The following UTRN variants were observed in gnomAD, a reference collection of about 807,000 sequenced individuals.
UTRN encodes utrophin.
UTRN carries 283 observed loss-of-function variants against 463.9 expected under a neutral mutation model. The observed-to-expected ratio is 0.61, with a 90% CI of 0.55 to 0.67. The LOEUF is 0.67. Among genes scored for constraint, UTRN ranks in the 30% least tolerant of loss-of-function variants. UTRN has a pLI of 0.00. For missense variants in UTRN, 3,922 were observed against 4,084.3 expected (o/e 0.96, Z 1.08); for synonymous variants, 1,442 against 1,431.5 (o/e 1.01, Z -0.17).
Position 144,337,251 on chromosome 6 carries a change from C to A in UTRN, c.79+45344C>A, listed in dbSNP as rs564695523. Reference sequence around the variant, plus strand: ...GAGGAGGGCCACCCTGGGAGGAAACCCTGAATTCTCCCCTCTTAGCACACT... The same window carrying A: ...GAGGAGGGCCACCCTGGGAGGAAACACTGAATTCTCCCCTCTTAGCACACT... On this transcript the variant is annotated intron_variant, in intron 2 of 74. Coordinates refer to ENST00000367545, the MANE Select transcript of UTRN (RefSeq NM_007124.3). 7.9e-5 allele frequency among the ~76,000 whole-genome samples: 12 copies of A among 151,816 alleles called. No homozygotes were observed. The East Asian group carries it at 2.1e-3, about 27-fold the overall frequency.
At chr6:144,424,612 T>C (rs1785134022) in intron 6 of UTRN, among the ~76,000 whole-genome samples, 2 of 152,192 alleles carry the variant, frequency 1.3e-5, no homozygotes, top group East Asian at 3.8e-4. Context: ...CAAAATGCCC[T>C]ATTTTCCTGG....
At chr6:144,353,270 A>G (rs1228285548) in intron 2 of UTRN, among the ~76,000 whole-genome samples, 1 of 152,034 alleles carries the variant, frequency 6.6e-6, no homozygotes, top group African/African-American at 2.4e-5. Flanking sequence ...GCATGCTACC[A>G]TGCCTGGCTA....
intron 27 of UTRN, among the ~76,000 whole-genome samples, chr6:144,483,788 A>G (rs1792135653): frequency 6.6e-6 from 1 of 152,178 alleles, no homozygotes; most frequent in South Asian, 2.1e-4. Flanking sequence ...TTGGTTTTGG[A>G]TACCTGGTTA....
chr6:144,826,668 T>A (rs1780214615), intron 66 of UTRN, among the ~76,000 whole-genome samples: 1 of 152,144 alleles, frequency 6.6e-6, no homozygotes, highest in Non-Finnish European at 1.5e-5. Flanking sequence ...TTTTTTTGCA[T>A]CGATTCATAG....
At chr6:144,576,839 A>G (rs1429278728) in intron 50 of UTRN, among the ~76,000 whole-genome samples, 2 of 152,176 alleles carry the variant, frequency 1.3e-5, no homozygotes, top group Admixed American at 1.3e-4. Context: ...TGTAAAATGT[A>G]GTTATAATTA....
At chr6:144,670,047 G>T (rs530403333) in intron 51 of UTRN, among the ~76,000 whole-genome samples, 4 of 151,546 alleles carry the variant, frequency 2.6e-5, no homozygotes, top group African/African-American at 9.7e-5. Context: ...TATTTGTACT[G>T]GTTCCATATT....
At chr6:144,696,434 T>C (rs58413349) in intron 52 of UTRN, among the ~76,000 whole-genome samples, 1 of 152,140 alleles carries the variant, frequency 6.6e-6, no homozygotes, top group Admixed American at 6.5e-5. Context: ...AAATTAAAAT[T>C]TAAATAGCCA....
chr6:144,412,720 T>TTGTG (rs201336159), intron 3 of UTRN, among the ~76,000 whole-genome samples: 1 of 132,872 alleles, frequency 7.5e-6, no homozygotes, highest in Non-Finnish European at 1.5e-5. Context: ...CTATATATGT[T>TTGTG]TGTGTGTGTG....
intron 50 of UTRN, among the ~76,000 whole-genome samples, chr6:144,570,928 T>C (rs912388317): frequency 2.0e-5 from 3 of 152,234 alleles, no homozygotes; most frequent in East Asian, 1.9e-4. Flanking sequence ...TTCCCTAGTT[T>C]GGACATTCTC....
At chr6:144,453,697 G>A (rs1788549567) in intron 18 of UTRN, 85 bp from the exon 19 acceptor site, 1 of 1,044,188 alleles carries the variant, frequency 9.6e-7, no homozygotes, top group East Asian at 2.4e-5. Context: ...AATGTAGGAG[G>A]GCCATTCAAC....
chr6:144,493,199 G>C, intron 32 of UTRN, 102 bp from the exon 33 acceptor site: 1 of 1,128,376 alleles, frequency 8.9e-7, no homozygotes, highest in African/African-American at 1.5e-5. Flanking sequence ...ACCATAGTTA[G>C]GTCTTGGCTG....
chr6:144,585,971 G>T (rs984071992), intron 51 of UTRN, among the ~76,000 whole-genome samples: 3 of 151,996 alleles, frequency 2.0e-5, no homozygotes, highest in African/African-American at 7.2e-5. Flanking sequence ...ATTCATATTG[G>T]CATTTTGAAA....
intron 60 of UTRN, among the ~76,000 whole-genome samples, chr6:144,779,698 G>A (rs760561349): frequency 1.1e-4 from 17 of 152,132 alleles, no homozygotes; most frequent in Admixed American, 8.5e-4. Flanking sequence ...AAAACTCCAC[G>A]TGTAGGTGGA....
intron 62 of UTRN, among the ~76,000 whole-genome samples, chr6:144,792,622 C>A (rs1363007623): frequency 6.6e-6 from 1 of 151,892 alleles, no homozygotes; most frequent in South Asian, 2.1e-4. Flanking sequence ...GTTTTAGAAT[C>A]CAATAAATAT....
intron 60 of UTRN, among the ~76,000 whole-genome samples, chr6:144,775,831 TTCTTC>T (rs1220349653): frequency 6.6e-6 from 1 of 152,166 alleles, no homozygotes; most frequent in East Asian, 1.9e-4. Context: ...ATTTGGTGTT[TTCTTC>T]TCTTGGTTCT....
At chr6:144,665,140 A>G (rs962523632) in intron 51 of UTRN, among the ~76,000 whole-genome samples, 2 of 152,200 alleles carry the variant, frequency 1.3e-5, no homozygotes, top group African/African-American at 4.8e-5. Context: ...CTGTTGCCAC[A>G]TAAGGTTAAG....
intron 69 of UTRN, among the ~76,000 whole-genome samples, chr6:144,834,676 G>C (rs917818863): frequency 6.6e-6 from 1 of 152,200 alleles, no homozygotes; most frequent in African/African-American, 2.4e-5. Context: ...GTGAAGCTGA[G>C]AGAGGCCCAG....
chr6:144,522,564 A>G (rs998331025), intron 40 of UTRN, among the ~76,000 whole-genome samples: 1 of 152,198 alleles, frequency 6.6e-6, no homozygotes, highest in Non-Finnish European at 1.5e-5. Flanking sequence ...TTGTAAGTTA[A>G]TTAAACTTAA....
chr6:144,750,268 T>C (rs962364211), intron 55 of UTRN, among the ~76,000 whole-genome samples: 2 of 152,048 alleles, frequency 1.3e-5, no homozygotes, highest in African/African-American at 4.8e-5. Context: ...TTTAATTGTA[T>C]TTGTGTGTTT....
Sources: gnomAD v4.1 joint callset for allele counts (sites outside exome capture counted in the v4.1 genomes callset) on GRCh38, gnomAD v4.1.1 for gene constraint, MANE v1.5 for transcripts, NCBI Gene and HGNC (gene_info 2026-07-23, HGNC 2026-07-21) for gene names.